Variants in HSF2BP observed in about 807,000 individuals in gnomAD.
HSF2BP encodes heat shock factor 2-binding protein.
Under a neutral mutation model 35.0 loss-of-function variants are expected in HSF2BP, and 35 were observed. That is an observed-to-expected ratio of 1.00 (90% CI 0.76 to 1.32). The LOEUF (loss-of-function observed/expected upper bound fraction) is 1.32. Ranked by LOEUF, HSF2BP falls within the 40% of genes most tolerant of loss-of-function variation. HSF2BP has a pLI of 0.00. For missense variants in HSF2BP, 326 were observed against 321.7 expected, an observed-to-expected ratio of 1.01 and a Z score of -0.10; for synonymous variants, 114 against 117.4, an observed-to-expected ratio of 0.97 and a Z score of 0.18.
Position 43,658,571 on chromosome 21 carries a change from A to G in HSF2BP, c.-224-251T>C, listed in dbSNP as rs548081534. On this transcript the variant is annotated intron_variant, in intron 1 of 8. Coordinates refer to ENST00000291560, the MANE Select transcript of HSF2BP (RefSeq NM_007031.2). ...GACAACTGAGCGGAGCAACTGAGAT[A>G]ACCCCCGCTACGTGTGGAGTGACCT... is the stretch of plus-strand genomic sequence containing the variant. Among the ~76,000 whole-genome samples, 87 of 152,324 alleles carry G rather than the reference A, an allele frequency of 5.7e-4. No individual in the cohort carries two copies. The Middle Eastern group carries it at 0.01, about 18-fold the overall frequency.
intron 6 of HSF2BP, among the ~76,000 whole-genome samples, chr21:43,617,624 T>C (rs988250406): frequency 2.0e-5 from 3 of 151,944 alleles, no homozygotes; most frequent in Non-Finnish European, 4.4e-5. Flanking sequence ...AAAGTGCTTA[T>C]AGGTAATTCT....
At chr21:43,649,249 T>A (rs532720214) in intron 3 of HSF2BP, among the ~76,000 whole-genome samples, 3 of 152,094 alleles carry the variant, frequency 2.0e-5, no homozygotes. Context: ...GGGGTTTTTT[T>A]TATTTTTTTG....
chr21:43,607,962 A>G (rs914110020), intron 7 of HSF2BP, among the ~76,000 whole-genome samples: 1 of 152,248 alleles, frequency 6.6e-6, no homozygotes, highest in Admixed American at 6.5e-5. Context: ...TGGATTAAGG[A>G]CTTAAATGTA....
chr21:43,655,786 G>A (rs1053432246), intron 3 of HSF2BP, among the ~76,000 whole-genome samples: 1 of 152,182 alleles, frequency 6.6e-6, no homozygotes, highest in Middle Eastern at 3.2e-3. Flanking sequence ...GACAAGGTAC[G>A]GTGGATGAGA....
chr21:43,630,695 C>G (rs544407573), intron 5 of HSF2BP, among the ~76,000 whole-genome samples: 4 of 152,024 alleles, frequency 2.6e-5, no homozygotes, highest in African/African-American at 9.7e-5. Context: ...GACAAATGTA[C>G]ATGATGATGA....
At chr21:43,467,741 AACCACAC>A in the HSF2BP span, among the ~76,000 whole-genome samples, 6 of 87,582 alleles carry the variant, frequency 6.9e-5, 1 homozygote, top group African/African-American at 3.1e-4. Flanking sequence ...CCACACCACA[AACCACAC>A]ACCACACACC....
intron 3 of HSF2BP, among the ~76,000 whole-genome samples, chr21:43,648,892 C>T (rs1343226912): frequency 6.6e-6 from 1 of 152,190 alleles, no homozygotes; most frequent in Non-Finnish European, 1.5e-5. Context: ...CATAAACATT[C>T]AATTAATATC....
intron 6 of HSF2BP, among the ~76,000 whole-genome samples, chr21:43,618,875 G>A (rs769320733): frequency 2.6e-5 from 4 of 151,728 alleles, no homozygotes; most frequent in Admixed American, 6.6e-5. Context: ...AACCCGGGAG[G>A]CAGAGCTTGC....
intron 8 of HSF2BP, among the ~76,000 whole-genome samples, chr21:43,583,498 TGA>T (rs1161414697): frequency 1.6e-5 from 1 of 62,632 alleles, no homozygotes; most frequent in African/African-American, 7.3e-5. Flanking sequence ...GAGGACCTGC[TGA>T]GAGAGATGAA....
chr21:43,636,991 G>C lies in HSF2BP; in HGVS notation c.292-3570C>G, dbSNP rs541903907. 1.6e-4 allele frequency among the ~76,000 whole-genome samples: 24 copies of C among 151,270 alleles called. No homozygotes were observed. The South Asian group carries it at 5.0e-3, about 32-fold the overall frequency. On this transcript the variant is annotated intron_variant, in intron 4 of 8. Coordinates refer to ENST00000291560, the MANE Select transcript of HSF2BP (RefSeq NM_007031.2). ...GTTTATAGTGGCATTATTCATAACA[G>C]TCAAAAACTGGAACAGGACGAGCGA... is the stretch of plus-strand genomic sequence containing the variant.
intron 7 of HSF2BP, among the ~76,000 whole-genome samples, chr21:43,599,121 G>A (rs2082021862): frequency 6.6e-6 from 1 of 152,216 alleles, no homozygotes; most frequent in Non-Finnish European, 1.5e-5. Flanking sequence ...ATGGCCAGTT[G>A]AAATTCTTTG....
At chr21:43,596,848 C>A (rs912361070) in intron 7 of HSF2BP, among the ~76,000 whole-genome samples, 6 of 147,688 alleles carry the variant, frequency 4.1e-5, no homozygotes, top group Non-Finnish European at 8.9e-5. Flanking sequence ...GTGCCAGCCA[C>A]TGCACTCTGG....
rs903170915 is a variant in HSF2BP, at chr21:43,610,327, C to T, written c.692+3503G>A. On this transcript the variant is annotated intron_variant, in intron 7 of 8. Coordinates refer to ENST00000291560, the MANE Select transcript of HSF2BP (RefSeq NM_007031.2). The stretch of plus-strand genomic sequence containing the variant: ...CTTTAAGGCCAGGTCCAGTGGCTCA[C>T]GCTGTAATCCCAACATTCTGGGAGG... 2.0e-5 allele frequency among the ~76,000 whole-genome samples: 3 copies of T among 151,834 alleles called. 1 individual carries two copies. The highest frequency in any genetic ancestry group is 6.6e-5 in the Admixed American group (1 of 15,228).
intron 7 of HSF2BP, among the ~76,000 whole-genome samples, chr21:43,611,513 CAG>C (rs2082204273): frequency 6.6e-6 from 1 of 152,202 alleles, no homozygotes; most frequent in East Asian, 1.9e-4. Flanking sequence ...ACTAAACCAG[CAG>C]AGAGTTTACC....
chr21:43,650,535 T>A (rs1255570241), intron 3 of HSF2BP, among the ~76,000 whole-genome samples: 5 of 151,908 alleles, frequency 3.3e-5, no homozygotes, highest in Non-Finnish European at 4.4e-5. Flanking sequence ...AAATAGGATT[T>A]TCCTAGTTTT....
chr21:43,581,076 C>T (rs1007543346), intron 8 of HSF2BP, among the ~76,000 whole-genome samples: 1 of 152,140 alleles, frequency 6.6e-6, no homozygotes. Flanking sequence ...GAAGATGATG[C>T]TTAAGTTAGC....
intron 7 of HSF2BP, among the ~76,000 whole-genome samples, chr21:43,607,900 A>G (rs1435445187): frequency 6.6e-6 from 1 of 152,226 alleles, no homozygotes; most frequent in Non-Finnish European, 1.5e-5. Context: ...CCATATGTAA[A>G]CGAATGAAAC....
intron 5 of HSF2BP, among the ~76,000 whole-genome samples, chr21:43,631,342 C>A (rs1481511094): frequency 1.3e-5 from 2 of 152,064 alleles, no homozygotes; most frequent in Admixed American, 1.3e-4. Context: ...TTTTTTGGCT[C>A]CTCTTGTCCC....
intron 7 of HSF2BP, among the ~76,000 whole-genome samples, chr21:43,610,589 C>T (rs912323379): frequency 6.6e-6 from 1 of 151,762 alleles, no homozygotes; most frequent in Non-Finnish European, 1.5e-5. Flanking sequence ...CTGGGTAACA[C>T]AGCAAGACCC....
Sources: allele counts gnomAD v4.1 joint callset (sites outside exome capture counted in the v4.1 genomes callset), GRCh38; gene constraint gnomAD v4.1.1; transcripts MANE v1.5; gene names NCBI Gene and HGNC (gene_info 2026-07-23, HGNC 2026-07-21).